SGMS2: variants seen among roughly 807,000 people sequenced by gnomAD.
The protein encoded by SGMS2 is sphingomyelin synthase 2, also known as phosphatidylcholine:ceramide cholinephosphotransferase 2.
Under a neutral mutation model 43.8 loss-of-function variants are expected in SGMS2, and 21 were observed. That is an observed-to-expected ratio of 0.48 (90% CI 0.34 to 0.69). The LOEUF is 0.69. SGMS2 is among the 30% of genes least tolerant of loss of function. The pLI, the probability that SGMS2 is intolerant of heterozygous loss-of-function variation, is 0.01. For missense variants in SGMS2, 384 were observed against 443.2 expected (o/e 0.87, Z 1.20); for synonymous variants, 167 against 160.6 (o/e 1.04, Z -0.30).
intron 2 of SGMS2, among the ~76,000 whole-genome samples, chr4:107,890,636 C>T (rs995020120): frequency 1.0e-4 from 15 of 147,014 alleles, no homozygotes; most frequent in Middle Eastern, 7.0e-3. Flanking sequence ...GATCACACGA[C>T]TGCACTCCAG....
intron 2 of SGMS2, chr4:107,867,748 A>T (rs1455252278): frequency 2.0e-4 from 30 of 152,334 alleles, no homozygotes; most frequent in African/African-American, 6.7e-4. Context: ...AATAGTAAGT[A>T]CTATATGAGT....
chr4:107,908,497 G>A, intron 5 of SGMS2, 68 bp from the exon 6 acceptor site: 1 of 1,488,994 alleles, frequency 6.7e-7, no homozygotes, highest in Non-Finnish European at 9.2e-7. Context: ...AAGGTCGTTA[G>A]GACAGACTGT....
chr4:107,850,184 A>G (rs1332445448), intron 1 of SGMS2, among the ~76,000 whole-genome samples: 2 of 152,038 alleles, frequency 1.3e-5, no homozygotes, highest in African/African-American at 4.8e-5. Context: ...TTTACCTTCC[A>G]CCATGATTAT....
intron 2 of SGMS2, among the ~76,000 whole-genome samples, chr4:107,861,185 G>C (rs1727713104): frequency 2.0e-5 from 3 of 152,206 alleles, no homozygotes; most frequent in Admixed American, 2.0e-4. Flanking sequence ...CTGGCTTGCT[G>C]TCATAGATGG....
intron 1 of SGMS2, among the ~76,000 whole-genome samples, chr4:107,845,676 G>A (rs75808193): frequency 0.029 from 4,364 of 152,296 alleles, 95 homozygotes; most frequent in Non-Finnish European, 0.043. Context: ...CTTAAGGGAT[G>A]TCTGAAAAGA....
chr4:107,874,839 C>G (rs756024907), intron 2 of SGMS2, among the ~76,000 whole-genome samples: 9 of 152,098 alleles, frequency 5.9e-5, no homozygotes, highest in African/African-American at 1.2e-4. Flanking sequence ...CTCTTCGTGT[C>G]TCTACCTCAT....
chr4:107,839,215 A>G (rs1726364919), intron 1 of SGMS2, among the ~76,000 whole-genome samples: 1 of 152,022 alleles, frequency 6.6e-6, no homozygotes, highest in Non-Finnish European at 1.5e-5. Flanking sequence ...TGAAACTTTC[A>G]TTTGCCCCAT....
intron 2 of SGMS2, among the ~76,000 whole-genome samples, chr4:107,894,915 G>T (rs1172032560): frequency 2.0e-5 from 3 of 152,154 alleles, no homozygotes; most frequent in South Asian, 4.1e-4. Context: ...TTTCTTTATG[G>T]CTCATAGAAA....
intron 2 of SGMS2, among the ~76,000 whole-genome samples, chr4:107,889,719 G>C (rs1730049569): frequency 1.3e-5 from 2 of 152,102 alleles, no homozygotes; most frequent in South Asian, 4.1e-4. Context: ...ACCTTAGGTA[G>C]TTGTCAGCTA....
rs932612966 is a variant in SGMS2, at chr4:107,827,743, T to C, written c.-327+2490T>C. ...GCTCACACCTGTAATTCCAGCACTT[T>C]GGGAGGCCGAGGCAGGCAGATCACT... is the stretch of plus-strand genomic sequence containing the variant. On this transcript the variant is annotated intron_variant, in intron 1 of 6. Coordinates refer to ENST00000690982, the MANE Select transcript of SGMS2 (RefSeq NM_001375905.1). Among the ~76,000 whole-genome samples the C allele has an allele frequency of 3.3e-5, 5 of 152,296 alleles. No individual in the cohort carries two copies. In the East Asian group the frequency reaches 9.6e-4, roughly 29 times the overall value.
rs1732185946 is a variant in SGMS2, at chr4:107,912,483, G to T, written c.*1930G>T. 2 of 152,070 alleles carry T rather than the reference G, an allele frequency of 1.3e-5. No homozygotes were observed. The highest frequency in any genetic ancestry group is 6.6e-5 in the Admixed American group (1 of 15,260). The allele number at this position is 152,070 out of a possible 1,614,324, so 9.4% of individuals were successfully genotyped here. A position where few individuals can be genotyped will look rare whatever the true frequency, so the allele number is the denominator to read the frequency against. On this transcript the variant is annotated 3_prime_UTR_variant, in exon 7 of 7. Transcript: ENST00000690982. ...CACTTGTGCAAGAACAAGGTATTCTGCTTGAAAACACTGATTTTTAAGTTC... is the reference window on the plus strand; with the variant it reads ...CACTTGTGCAAGAACAAGGTATTCTTCTTGAAAACACTGATTTTTAAGTTC...
chr4:107,906,222 A>T (rs10013710), intron 5 of SGMS2, among the ~76,000 whole-genome samples: 1 of 151,874 alleles, frequency 6.6e-6, no homozygotes, highest in Admixed American at 6.6e-5. Context: ...CCGCCTTTTG[A>T]TCAGTTTGGG....
intron 1 of SGMS2, among the ~76,000 whole-genome samples, chr4:107,841,625 T>G (rs1425010255): frequency 1.3e-5 from 2 of 152,076 alleles, no homozygotes; most frequent in African/African-American, 4.8e-5. Context: ...TTTTTAAAAA[T>G]TTTTTATTTT....
chr4:107,859,069 A>C (rs1727587083), intron 2 of SGMS2, among the ~76,000 whole-genome samples: 2 of 152,214 alleles, frequency 1.3e-5, no homozygotes, highest in African/African-American at 4.8e-5. Context: ...GAGGAAGAAG[A>C]GGTTTTGCTT....
At chr4:107,851,099 T>C (rs991293844) in intron 1 of SGMS2, among the ~76,000 whole-genome samples, 35 of 152,158 alleles carry the variant, frequency 2.3e-4, no homozygotes, top group African/African-American at 8.2e-4. Context: ...TTGAAAAAAC[T>C]TTGCTTTGTG....
intron 1 of SGMS2, among the ~76,000 whole-genome samples, chr4:107,855,647 A>G (rs1727380497): frequency 6.6e-6 from 1 of 152,160 alleles, no homozygotes; most frequent in African/African-American, 2.4e-5. Flanking sequence ...GCTGAGAAGA[A>G]TGTGTATTGT....
chr4:107,881,151 A>G (rs1729307377), intron 2 of SGMS2, among the ~76,000 whole-genome samples: 1 of 152,112 alleles, frequency 6.6e-6, no homozygotes, highest in Non-Finnish European at 1.5e-5. Context: ...CAAAATTATA[A>G]AGACTGAAGA....
chr4:107,909,401 G>A (rs984622485), intron 6 of SGMS2, among the ~76,000 whole-genome samples: 4 of 152,078 alleles, frequency 2.6e-5, no homozygotes, highest in Non-Finnish European at 4.4e-5. Flanking sequence ...GTGAACCACC[G>A]TGCCCAGCCG....
At chr4:107,903,108 A>G in intron 4 of SGMS2, 125 bp from the exon 5 acceptor site, 1 of 863,656 alleles carries the variant, frequency 1.2e-6, no homozygotes, top group Admixed American at 2.1e-5. Flanking sequence ...ATTCTTTTTG[A>G]CTTTCTAGGT....
Sources: allele counts gnomAD v4.1 joint callset (sites outside exome capture counted in the v4.1 genomes callset), GRCh38; gene constraint gnomAD v4.1.1; transcripts MANE v1.5; gene names NCBI Gene and HGNC (gene_info 2026-07-23, HGNC 2026-07-21).